Variants in ZNF44 observed in about 807,000 individuals in gnomAD.
The protein encoded by ZNF44 is zinc finger protein 44.
Under a neutral mutation model 11.7 loss-of-function variants are expected in ZNF44, and 9 were observed. The observed-to-expected ratio is 0.77, with a 90% CI of 0.46 to 1.35. ZNF44 has a LOEUF of 1.35. ZNF44 is among the 40% of genes most tolerant of loss of function. The pLI, the probability that ZNF44 is intolerant of heterozygous loss-of-function variation, is 0.00. For synonymous variants in ZNF44, 224 were observed against 242.7 expected (o/e 0.92, Z 0.72); for missense variants, 696 against 743.1 (o/e 0.94, Z 0.74).
chr19:12,280,141 C>A (rs771816381), intron 1 of ZNF44, among the ~76,000 whole-genome samples: 8 of 152,070 alleles, frequency 5.3e-5, no homozygotes, highest in Non-Finnish European at 8.8e-5. Flanking sequence ...ATTGCTTGAA[C>A]CCAGGAGGCA....
rs1453816999 is a variant in ZNF44 at position 12,291,145 on chromosome 19, T to C, written c.3+3547A>G. 3 of 402,832 alleles carry C rather than the reference T, an allele frequency of 7.4e-6. No individual in the cohort carries two copies. The Admixed American group carries it at 1.1e-4, about 14-fold the overall frequency. 25.0% of individuals were successfully genotyped at this position (402,832 alleles called of 1,614,324 possible). On this transcript the variant is annotated intron_variant, in intron 1 of 3. Transcript: ENST00000355684. ...TGAAGCCTTTAGTAAACAAAGGATA[T>C]TTAAGTTCTTTAGCTATTGCAAAGT...
At chr19:12,238,973 T>A (rs1053697068), upstream of ZNF44, among the ~76,000 whole-genome samples, 1 of 152,178 alleles carries the variant, frequency 6.6e-6, no homozygotes, top group Non-Finnish European at 1.5e-5. Flanking sequence ...AGTGTGGAAA[T>A]GCTCCCTCCT....
chr19:12,266,272 C>A (rs1366722049), intron 5 of ZNF44: 9 of 985,394 alleles, frequency 9.1e-6, no homozygotes, highest in Middle Eastern at 5.2e-4. Context: ...CCGGCACACT[C>A]ACCATTTCCT....
upstream of ZNF44, among the ~76,000 whole-genome samples, chr19:12,239,733 G>C (rs2438554): frequency 0.25 from 37,170 of 151,090 alleles, 7,167 homozygotes; most frequent in African/African-American, 0.54. Flanking sequence ...GCCACCACAC[G>C]CAGCTAATTT....
intron 3 of ZNF44, among the ~76,000 whole-genome samples, chr19:12,228,672 CATATA>C (rs1916023057): frequency 6.6e-6 from 1 of 151,890 alleles, no homozygotes; most frequent in South Asian, 2.1e-4. Context: ...AAAAATTTAC[CATATA>C]AAATTTTTAA....
chr19:12,230,446 A>AG (rs1916112603), intron 3 of ZNF44: 1 of 152,280 alleles, frequency 6.6e-6, no homozygotes, highest in Non-Finnish European at 1.5e-5. Context: ...AAGCCAGGGG[A>AG]GGGCAGATCT....
chr19:12,228,531 T>TA, intron 3 of ZNF44, among the ~76,000 whole-genome samples: 1 of 152,232 alleles, frequency 6.6e-6, no homozygotes, highest in East Asian at 1.9e-4. Context: ...TAATCACTTT[T>TA]AAATTGTACA....
chr19:12,276,253 G>T, intron 1 of ZNF44, 171 bp from the exon 2 acceptor site: 1 of 1,067,766 alleles, frequency 9.4e-7, no homozygotes, highest in Non-Finnish European at 1.4e-6. Flanking sequence ...CTGGAATTCT[G>T]ATGCTGGAAT....
chr19:12,235,616 A>C (rs889981718), intron 1 of ZNF44, among the ~76,000 whole-genome samples: 3 of 152,180 alleles, frequency 2.0e-5, no homozygotes, highest in Non-Finnish European at 4.4e-5. Flanking sequence ...ATTATACACC[A>C]CAGTCAAGTG....
chr19:12,226,284 C>T (rs1915914138), exon 4 of ZNF44: 1 of 152,170 alleles, frequency 6.6e-6, no homozygotes, highest in South Asian at 2.1e-4. Flanking sequence ...CCACTGAATA[C>T]CTATGAGTTG....
At chr19:12,231,300 G>A (rs1208533963) in intron 2 of ZNF44, among the ~76,000 whole-genome samples, 7 of 152,082 alleles carry the variant, frequency 4.6e-5, no homozygotes, top group African/African-American at 2.4e-5. Context: ...GCCTCAGCTC[G>A]TAGAGGTGGT....
At chr19:12,291,693 CAAAAAAAA>C (rs997223160) in intron 1 of ZNF44, among the ~76,000 whole-genome samples, 1 of 144,410 alleles carries the variant, frequency 6.9e-6, no homozygotes, top group Non-Finnish European at 1.5e-5. Context: ...GACCATGTCT[CAAAAAAAA>C]AAGAAAAAGG....
chr19:12,241,185 C>G (rs1276162233), upstream of ZNF44, among the ~76,000 whole-genome samples: 1 of 152,172 alleles, frequency 6.6e-6, no homozygotes, highest in Non-Finnish European at 1.5e-5. Context: ...AAATGTAAAT[C>G]AAAACACCAG....
At chr19:12,291,557 G>A (rs1035797117) in intron 1 of ZNF44, among the ~76,000 whole-genome samples, 2 of 152,056 alleles carry the variant, frequency 1.3e-5, no homozygotes, top group Admixed American at 1.3e-4. Context: ...AATTAGCCAG[G>A]TGTGGTGGCG....
intron 2 of ZNF44, among the ~76,000 whole-genome samples, chr19:12,232,263 G>A (rs902273671): frequency 2.6e-5 from 4 of 152,140 alleles, no homozygotes; most frequent in African/African-American, 7.2e-5. Context: ...GTTTTATACC[G>A]AGACATTCCA....
Position 12,273,052 on chromosome 19 carries a change from G to C in ZNF44, c.1203C>G (p.Ala401=). The C allele has an allele frequency of 6.2e-7, 1 of 1,613,922 alleles. No homozygotes were observed. The highest frequency in any genetic ancestry group is 8.5e-7 in the Non-Finnish European group (1 of 1,179,954). ...GPHKCTVCGK[A]FDSPSVFQRH... ...TTTGAAATACACTAGGAGAATCAAA[G>C]GCTTTCCCACATACTGTGCATTTAT... The change falls in exon 4 of 4, where the codon GCC becomes GCG. Residue 401 remains alanine (A), a synonymous_variant. Coordinates refer to ENST00000355684, the MANE Select transcript of ZNF44 (RefSeq NM_016264.4).
chr19:12,246,029 A>G (rs1916759873), downstream of ZNF44, among the ~76,000 whole-genome samples: 5 of 152,012 alleles, frequency 3.3e-5, no homozygotes, highest in Admixed American at 3.3e-4. Context: ...TGCAGTTTGG[A>G]TTTTCCTGCA....
chr19:12,271,935 G>A lies in ZNF44; in HGVS notation c.*472C>T, dbSNP rs1966963816. ...CATCTGTGGATTTAGGTATACTCAG[G>A]GTGTACTGGAACCAATCTTCTTGCA... is the stretch of plus-strand genomic sequence containing the variant. On this transcript the variant is annotated 3_prime_UTR_variant, in exon 4 of 4. Coordinates refer to ENST00000355684, the MANE Select transcript of ZNF44 (RefSeq NM_016264.4). The A allele has an allele frequency of 6.6e-6, 1 of 152,134 alleles. No individual in the cohort carries two copies. Among genetic ancestry groups the A allele is most frequent in the African/African-American group, 2.4e-5 (1 of 41,298 alleles). The allele number at this position is 152,134 out of a possible 1,614,324, so 9.4% of individuals were successfully genotyped here.
In ZNF44 at chr19:12,273,584, G is replaced by A; in HGVS notation, c.671C>T (p.Pro224Leu). The A allele has an allele frequency of 6.2e-7, 1 of 1,614,084 alleles. No individual in the cohort carries two copies. The highest frequency in any genetic ancestry group is 1.3e-5 in the African/African-American group (1 of 75,012). ...MHERTHTGEK[P>L]YECKQCSKAF... is the part of the protein sequence containing the mutation. The stretch of plus-strand genomic sequence containing the variant: ...TTTAGAACACTGCTTACATTCATAT[G>A]GTTTCTCTCCAGTGTGAGTTCTTTC... Residue 224 changes from proline to leucine, a missense_variant, in exon 4 of 4, where the codon CCA becomes CTA. Transcript: ENST00000355684.
Sources: gnomAD v4.1 joint callset for allele counts (sites outside exome capture counted in the v4.1 genomes callset) on GRCh38, gnomAD v4.1.1 for gene constraint, MANE v1.5 for transcripts, NCBI Gene and HGNC (gene_info 2026-07-23, HGNC 2026-07-21) for gene names.